TMEM117: variants seen among roughly 807,000 people sequenced by gnomAD.
TMEM117 encodes the protein transmembrane protein 117.
A neutral mutation model predicts 52.4 loss-of-function variants in TMEM117; 27 were observed. That is an observed-to-expected ratio of 0.51 (90% confidence interval 0.38 to 0.71). TMEM117 has a LOEUF of 0.71. TMEM117 is among the 30% of genes least tolerant of loss of function. The pLI, the probability that TMEM117 is intolerant of heterozygous loss-of-function variation, is 0.00. For synonymous variants in TMEM117, 215 were observed against 206.3 expected (o/e 1.04, Z -0.36); for missense variants, 556 against 630.5 (o/e 0.88, Z 1.26).
At chr12:44,025,038 C>G (rs1946511946) in intron 3 of TMEM117, among the ~76,000 whole-genome samples, 2 of 152,158 alleles carry the variant, frequency 1.3e-5, no homozygotes. Context: ...CATAATAGGA[C>G]TCACTGTATA....
intron 3 of TMEM117, among the ~76,000 whole-genome samples, chr12:44,117,657 A>G (rs1025456068): frequency 1.3e-5 from 2 of 152,176 alleles, no homozygotes; most frequent in African/African-American, 4.8e-5. Context: ...AAGGGGAAAG[A>G]AAGAAAGTAA....
At chr12:44,304,742 A>G (rs1390174541) in intron 6 of TMEM117, among the ~76,000 whole-genome samples, 2 of 152,116 alleles carry the variant, frequency 1.3e-5, no homozygotes, top group East Asian at 3.9e-4. Context: ...GAAGGGAAGG[A>G]CTCAGTCCTG....
chr12:43,916,031 C>A (rs961461116), intron 2 of TMEM117, among the ~76,000 whole-genome samples: 1 of 151,620 alleles, frequency 6.6e-6, no homozygotes, highest in African/African-American at 2.4e-5. Context: ...GATGGTTGGG[C>A]AAGAAAAAAG....
chr12:44,104,538 T>G (rs1373081904), intron 3 of TMEM117, among the ~76,000 whole-genome samples: 2 of 152,024 alleles, frequency 1.3e-5, no homozygotes, highest in Non-Finnish European at 2.9e-5. Context: ...GGTATTATTA[T>G]CTCCAATTTT....
the TMEM117 span, among the ~76,000 whole-genome samples, chr12:43,819,218 C>A: frequency 6.6e-6 from 1 of 152,132 alleles, no homozygotes; most frequent in East Asian, 1.9e-4. Flanking sequence ...ATGCCAAATT[C>A]TTACTTGCTT....
intron 2 of TMEM117, among the ~76,000 whole-genome samples, chr12:43,914,535 G>T (rs886804112): frequency 1.3e-5 from 2 of 152,154 alleles, no homozygotes; most frequent in African/African-American, 4.8e-5. Context: ...CCTGCCAATG[G>T]AGCTTTCAGC....
At chr12:43,961,383 T>G (rs1362789868) in intron 3 of TMEM117, among the ~76,000 whole-genome samples, 1,767 of 152,274 alleles carry the variant, frequency 0.012, 40 homozygotes, top group East Asian at 0.07. Flanking sequence ...TCATACAAAA[T>G]GCCCAAATGA....
chr12:44,373,403 G>A lies in TMEM117; in HGVS notation c.769-3192G>A, dbSNP rs565041124. ...CCCAGGGGGCCAGTGCTCTGCAATG[G>A]ATAAGGGCAGAAAGGAGAACACGAC... On this transcript the variant is annotated intron_variant, in intron 6 of 7. Transcript: ENST00000266534. 9.2e-5 allele frequency among the ~76,000 whole-genome samples: 14 copies of A among 152,340 alleles called. No homozygotes were observed. The South Asian group carries it at 2.7e-3, about 29-fold the overall frequency.
At position 43,836,136 on chromosome 12, in the gene TMEM117, A is replaced by G. The variant is rs916295599; in HGVS notation, c.-89A>G. 2 of 151,918 alleles carry G rather than the reference A, an allele frequency of 1.3e-5. No individual in the cohort carries two copies. Among genetic ancestry groups the G allele is most frequent in the African/African-American group, 4.8e-5 (2 of 41,364 alleles). 9.4% of individuals were successfully genotyped at this position (151,918 alleles called of 1,614,324 possible). A position where few individuals can be genotyped will look rare whatever the true frequency, so the allele number is the denominator to read the frequency against. The stretch of plus-strand genomic sequence containing the variant: ...TCCCAGCGAGGCCGCCGGCGCGCCG[A>G]GGGCTGTGCTCGACCGCGAATCCCG... On this transcript the variant is annotated 5_prime_UTR_variant, in exon 1 of 8. Coordinates refer to ENST00000266534, the MANE Select transcript of TMEM117 (RefSeq NM_032256.3).
intron 5 of TMEM117, among the ~76,000 whole-genome samples, chr12:44,245,740 C>CTGA (rs1350017750): frequency 2.0e-5 from 3 of 151,910 alleles, no homozygotes; most frequent in African/African-American, 7.2e-5. Flanking sequence ...CAAAATGCTG[C>CTGA]TGAGAACTCT....
At chr12:44,266,863 A>G (rs192734073) in intron 5 of TMEM117, among the ~76,000 whole-genome samples, 1 of 152,132 alleles carries the variant, frequency 6.6e-6, no homozygotes, top group Admixed American at 6.5e-5. Context: ...TTTGTTGGAA[A>G]GATTATTCTT....
At chr12:44,122,796 T>A (rs542330853) in intron 3 of TMEM117, among the ~76,000 whole-genome samples, 11 of 152,238 alleles carry the variant, frequency 7.2e-5, no homozygotes, top group Non-Finnish European at 1.6e-4. Context: ...TACCATACTT[T>A]CTTTATCCAG....
chr12:43,978,439 T>C (rs911209151), intron 3 of TMEM117, among the ~76,000 whole-genome samples: 10 of 152,182 alleles, frequency 6.6e-5, no homozygotes, highest in Non-Finnish European at 1.5e-4. Context: ...ATTAAGGCTC[T>C]AACTTCAGCT....
At chr12:44,098,374 G>A (rs1011402710) in intron 3 of TMEM117, among the ~76,000 whole-genome samples, 16 of 151,926 alleles carry the variant, frequency 1.1e-4, no homozygotes, top group African/African-American at 3.9e-4. Flanking sequence ...GAGACAGCAG[G>A]CATTTTTGCC....
At chr12:44,080,801 TATGTATTGTCTG>T (rs1460840787) in intron 3 of TMEM117, among the ~76,000 whole-genome samples, 11 of 152,348 alleles carry the variant, frequency 7.2e-5, no homozygotes, top group African/African-American at 2.6e-4. Context: ...TTCGTTCATT[TATGTATTGTCTG>T]ATGTATTGTC....
intron 2 of TMEM117, among the ~76,000 whole-genome samples, chr12:43,853,731 T>C (rs1489014688): frequency 6.6e-6 from 1 of 151,988 alleles, no homozygotes; most frequent in Admixed American, 6.6e-5. Flanking sequence ...TACAAGAAAA[T>C]GTGTATCGAG....
chr12:44,008,436 TA>T (rs1247639173), intron 3 of TMEM117, among the ~76,000 whole-genome samples: 1 of 152,234 alleles, frequency 6.6e-6, no homozygotes, highest in African/African-American at 2.4e-5. Flanking sequence ...AGATACTCGT[TA>T]TGTATAAGTC....
rs146488169 is a variant in TMEM117, at chr12:44,196,696, G to A, written c.511-14594G>A. Among the ~76,000 whole-genome samples, 495 of 152,196 alleles carry A rather than the reference G, an allele frequency of 3.3e-3. 7 individuals carry two copies. The highest frequency in any genetic ancestry group is 0.011 in the African/African-American group (441 of 41,538). On this transcript the variant is annotated intron_variant, in intron 4 of 7. Coordinates refer to ENST00000266534, the MANE Select transcript of TMEM117 (RefSeq NM_032256.3). ...TTTTACAAAGGTACACATTTAGGTC[G>A]TTGCTTTTAAATTTCTAAGTTTTCT...
At chr12:44,098,042 A>G (rs1435231745) in intron 3 of TMEM117, among the ~76,000 whole-genome samples, 3 of 152,026 alleles carry the variant, frequency 2.0e-5, no homozygotes, top group Non-Finnish European at 2.9e-5. Flanking sequence ...CAGCTTTTGT[A>G]TAAAATGGCC....
Sources: allele counts gnomAD v4.1 joint callset (sites outside exome capture counted in the v4.1 genomes callset), GRCh38; gene constraint gnomAD v4.1.1; transcripts MANE v1.5; gene names NCBI Gene and HGNC (gene_info 2026-07-23, HGNC 2026-07-21).